Variants in NMRK1 observed in about 807,000 individuals in gnomAD.
NMRK1 encodes nicotinamide riboside kinase 1, also known as NRK 1.
NMRK1 carries 28 observed loss-of-function variants against 29.9 expected under a neutral mutation model. That is an observed-to-expected ratio of 0.94 (90% CI 0.69 to 1.28). NMRK1 has a LOEUF of 1.28. Among genes scored for constraint, NMRK1 ranks in the 50% most tolerant of loss-of-function variants. NMRK1 has a pLI of 0.00. For missense variants in NMRK1, 218 were observed against 233.1 expected (o/e 0.94, Z 0.42); for synonymous variants, 58 against 73.0 (o/e 0.79, Z 1.05).
intron 8 of NMRK1, among the ~76,000 whole-genome samples, chr9:75,064,533 G>A (rs1219909917): frequency 6.6e-6 from 1 of 152,176 alleles, no homozygotes; most frequent in Non-Finnish European, 1.5e-5. Context: ...GCAGGAGTGG[G>A]CGGGCATATC....
chr9:75,083,633 C>T (rs1303954477), intron 1 of NMRK1, among the ~76,000 whole-genome samples: 1 of 152,124 alleles, frequency 6.6e-6, no homozygotes, highest in Non-Finnish European at 1.5e-5. Context: ...AGATACTGCC[C>T]TTATGAGACA....
intron 6 of NMRK1, 123 bp from the exon 7 acceptor site, chr9:75,069,225 T>C (rs41287435): frequency 7.9e-6 from 5 of 631,878 alleles, no homozygotes; most frequent in Non-Finnish European, 1.4e-5. Flanking sequence ...TAGGACTACA[T>C]GTACTACATG....
chr9:75,067,537 G>A (rs537734596), intron 7 of NMRK1, among the ~76,000 whole-genome samples: 1 of 152,154 alleles, frequency 6.6e-6, no homozygotes, highest in Non-Finnish European at 1.5e-5. Flanking sequence ...GAAGCTCCAG[G>A]AACAGCGTGA....
chr9:75,076,290 G>A (rs1018675649), intron 4 of NMRK1, among the ~76,000 whole-genome samples: 3 of 152,108 alleles, frequency 2.0e-5, no homozygotes, highest in Admixed American at 6.5e-5. Context: ...TGGATGGAAC[G>A]GGAGGCCATT....
intron 8 of NMRK1, among the ~76,000 whole-genome samples, chr9:75,063,518 T>A (rs1380769082): frequency 6.6e-6 from 1 of 152,168 alleles, no homozygotes; most frequent in Non-Finnish European, 1.5e-5. Context: ...ATACTTTGGA[T>A]TTAAATAAGG....
At chr9:75,069,530 TGATATAAGGCCCTTTTCTTA>T (rs1419465992) in intron 6 of NMRK1, 192 bp downstream of exon 6, 2 of 534,890 alleles carry the variant, frequency 3.7e-6, no homozygotes, top group Admixed American at 7.5e-5. Flanking sequence ...GCCGAAAGCT[TGATATAAGGCCCTTTTCTTA>T]GAAAGTAATT....
At chr9:75,069,576 G>T in intron 6 of NMRK1, 166 bp downstream of exon 6, 1 of 622,684 alleles carries the variant, frequency 1.6e-6, no homozygotes, top group South Asian at 2.0e-5. Flanking sequence ...TACTCCATGC[G>T]GATGACCATT....
At chr9:75,065,529 G>C (rs147607302) in intron 8 of NMRK1, among the ~76,000 whole-genome samples, 10 of 152,042 alleles carry the variant, frequency 6.6e-5, no homozygotes, top group African/African-American at 2.4e-4. Flanking sequence ...ATGTTGCTCA[G>C]GCTGGTCTTG....
chr9:75,077,342 T>C (rs1469534111), intron 3 of NMRK1, 135 bp from the exon 4 acceptor site: 13 of 832,272 alleles, frequency 1.6e-5, no homozygotes, highest in Non-Finnish European at 2.4e-5. Flanking sequence ...GACAGTGCCA[T>C]CTAGTGGATA....
intron 4 of NMRK1, among the ~76,000 whole-genome samples, chr9:75,071,544 TATA>T (rs1241630326): frequency 1.3e-5 from 2 of 152,258 alleles, no homozygotes; most frequent in African/African-American, 4.8e-5. Context: ...TGGTTCTTGG[TATA>T]ATAAGTGATT....
chr9:75,076,885 A>C (rs1824021229), intron 4 of NMRK1, among the ~76,000 whole-genome samples: 1 of 152,214 alleles, frequency 6.6e-6, no homozygotes, highest in South Asian at 2.1e-4. Context: ...TAAGCCTCCA[A>C]GCCTGGCCCC....
At chr9:75,085,902 G>T (rs1018577823) in intron 1 of NMRK1, among the ~76,000 whole-genome samples, 17 of 123,520 alleles carry the variant, frequency 1.4e-4, no homozygotes, top group African/African-American at 5.3e-4. Flanking sequence ...GCAGAGACAA[G>T]AGAGGCAACT....
chr9:75,081,263 G>A (rs892449779), intron 2 of NMRK1, among the ~76,000 whole-genome samples: 4 of 152,142 alleles, frequency 2.6e-5, no homozygotes, highest in Non-Finnish European at 4.4e-5. Flanking sequence ...ACTGAATCCG[G>A]CATGGGCTTC....
intron 6 of NMRK1, 159 bp downstream of exon 6, chr9:75,069,583 C>A: frequency 1.6e-6 from 1 of 638,468 alleles, no homozygotes; most frequent in South Asian, 1.9e-5. Context: ...TGCGGATGAC[C>A]ATTTATGGAA....
rs148627265 is a variant in NMRK1 at position 75,086,726 on chromosome 9, C to G, written c.-36+1282G>C. Among the ~76,000 whole-genome samples, 715 of 152,234 alleles carry G rather than the reference C, an allele frequency of 4.7e-3. 13 individuals carry two copies. The highest frequency in any genetic ancestry group is 4.6e-3 in the Non-Finnish European group (313 of 68,020). ...AAGACAGCTGACAAAGCTAAATGTG[C>G]TCTTCAAATGTATCTACAGGACAGT... On this transcript the variant is annotated intron_variant, in intron 1 of 8. Transcript: ENST00000361092.
At chr9:75,087,164 C>A (rs1564145952) in intron 1 of NMRK1, among the ~76,000 whole-genome samples, 1 of 152,112 alleles carries the variant, frequency 6.6e-6, no homozygotes, top group Non-Finnish European at 1.5e-5. Context: ...CTTGCCCTCC[C>A]AAAGTGCTGG....
rs10525751 is a variant in NMRK1 at position 75,060,860 on chromosome 9, A to AACACACACACACAC, written c.*674_*687dup. On this transcript the variant is annotated 3_prime_UTR_variant, in exon 9 of 9. Transcript: ENST00000361092. ...GATACAATGGTATTAGATACACGCC[A>AACACACACACACAC]ACACACACACACACACACACACACA... The AACACACACACACAC allele has an allele frequency of 9.5e-5, 13 of 136,582 alleles. No individual in the cohort carries two copies. Among genetic ancestry groups the AACACACACACACAC allele is most frequent in the African/African-American group, 3.3e-4 (13 of 39,472 alleles). 8.5% of individuals were successfully genotyped at this position (136,582 alleles called of 1,614,324 possible).
At chr9:75,078,615 G>T in intron 2 of NMRK1, 1 of 1,165,748 alleles carries the variant, frequency 8.6e-7, no homozygotes, top group Non-Finnish European at 1.1e-6. Context: ...CTGTGAACTT[G>T]AATGAGAAAA....
chr9:75,078,383 G>T, intron 2 of NMRK1: 1 of 1,566,836 alleles, frequency 6.4e-7, no homozygotes, highest in Non-Finnish European at 8.7e-7. Flanking sequence ...CCACCTGGGG[G>T]CCAGCTGGGA....
Sources: allele counts gnomAD v4.1 joint callset (sites outside exome capture counted in the v4.1 genomes callset), GRCh38; gene constraint gnomAD v4.1.1; transcripts MANE v1.5; gene names NCBI Gene and HGNC (gene_info 2026-07-23, HGNC 2026-07-21).